The following CES3 variants were observed in gnomAD, a reference collection of about 807,000 sequenced individuals.
CES3 encodes the protein carboxylesterase 3.
CES3 carries 49 observed loss-of-function variants against 57.6 expected under a neutral mutation model. The observed-to-expected ratio is 0.85, with a 90% CI of 0.68 to 1.08. CES3 has a LOEUF of 1.08. Among genes scored for constraint, CES3 ranks in the 50% least tolerant of loss-of-function variants. The pLI is 0.00. For synonymous variants in CES3, 266 were observed against 281.6 expected, an observed-to-expected ratio of 0.94 and a Z score of 0.55; for missense variants, 645 against 742.0, an observed-to-expected ratio of 0.87 and a Z score of 1.52.
chr16:66,970,551 G>T (rs1963815595), intron 9 of CES3, among the ~76,000 whole-genome samples: 1 of 152,222 alleles, frequency 6.6e-6, no homozygotes, highest in African/African-American at 2.4e-5. Context: ...GTCAGATGTG[G>T]AGCTAGATAG....
chr16:66,963,522 A>G lies in CES3; in HGVS notation c.319A>G (p.Ser107Gly). Residue 107 changes from serine to glycine, a missense_variant, in exon 3 of 13, where the codon AGC becomes GGC. Coordinates refer to ENST00000303334, the MANE Select transcript of CES3 (RefSeq NM_024922.6). This position sits in a 1 kb window ranked among gnomAD's most constrained non-coding sequence, Gnocchi z 4.9. ...CLQDVESMNS[S>G]RFVLNGKQQI... The stretch of plus-strand genomic sequence containing the variant: ...ACAAGACGTGGAGAGCATGAACAGC[A>G]GCAGATTTGTCCTCAACGGAAAACA... 6.2e-7 allele frequency: 1 copy of G among 1,614,136 alleles called. No individual in the cohort carries two copies. The highest frequency in any genetic ancestry group is 8.5e-7 in the Non-Finnish European group (1 of 1,179,982).
intron 1 of CES3, 45 bp downstream of exon 1, chr16:66,961,434 AGTCAAGAGTGAGACAGG>A: frequency 6.6e-7 from 1 of 1,513,272 alleles, no homozygotes; most frequent in Non-Finnish European, 9.1e-7. Context: ...GGTGTGGAGG[AGTCAAGAGTGAGACAGG>A]GACAGGGAGC....
At chr16:66,967,345 C>A in intron 8 of CES3, 1 of 272,148 alleles carries the variant, frequency 3.7e-6, no homozygotes, top group East Asian at 1.6e-4. Flanking sequence ...TGGGCCACTT[C>A]AATAAAGCAA....
At chr16:66,964,791 T>G in intron 6 of CES3, 64 bp downstream of exon 6, 1 of 1,383,120 alleles carries the variant, frequency 7.2e-7, no homozygotes, top group South Asian at 1.4e-5. Context: ...GTGCTGGCCC[T>G]GGGGTCTCAG....
intron 9 of CES3, among the ~76,000 whole-genome samples, chr16:66,970,183 A>C (rs1963809023): frequency 7.0e-6 from 1 of 143,778 alleles, no homozygotes; most frequent in African/African-American, 2.6e-5. Flanking sequence ...ATCTCGGCTC[A>C]CCGCAACATC....
intron 9 of CES3, 138 bp downstream of exon 9, chr16:66,969,897 T>A (rs533057404): frequency 2.8e-6 from 2 of 709,340 alleles, no homozygotes; most frequent in Non-Finnish European, 4.9e-6. Context: ...TTTGTCTAAC[T>A]GATCAATTTT....
At chr16:66,969,599 G>A (rs1257436672) in intron 8 of CES3, 80 bp from the exon 9 acceptor site, 66 of 1,404,028 alleles carry the variant, frequency 4.7e-5, no homozygotes, top group Non-Finnish European at 5.9e-5. Context: ...TCAGGACCGT[G>A]AACACTCTCT....
intron 8 of CES3, among the ~76,000 whole-genome samples, chr16:66,968,240 C>T (rs999993480): frequency 6.6e-6 from 1 of 152,210 alleles, no homozygotes; most frequent in Non-Finnish European, 1.5e-5. Flanking sequence ...GCTCACCGCA[C>T]TGCAACCTCT....
intron 12 of CES3, 43 bp from the exon 13 acceptor site, chr16:66,972,811 A>C: frequency 6.2e-7 from 1 of 1,613,850 alleles, no homozygotes; most frequent in Non-Finnish European, 8.5e-7. Context: ...CCTCTGGGGG[A>C]CAGCACAGGA....
Position 66,973,122 on chromosome 16 carries a change from G to C in CES3, c.*73G>C. On this transcript the variant is annotated 3_prime_UTR_variant, in exon 13 of 13. Coordinates refer to ENST00000303334, the MANE Select transcript of CES3 (RefSeq NM_024922.6). ...TGGCAGAGTCCCAGCACGGCAGCCC[G>C]CCTCTCCCCCTGCTGAGACTTTAAT... is the stretch of plus-strand genomic sequence containing the variant. 4.4e-6 allele frequency: 6 copies of C among 1,367,398 alleles called. No individual in the cohort carries two copies. The highest frequency in any genetic ancestry group is 6.1e-6 in the Non-Finnish European group (6 of 985,906). The allele number at this position is 1,367,398 out of a possible 1,614,324, so 84.7% of individuals were successfully genotyped here. A position where few individuals can be genotyped will look rare whatever the true frequency, so the allele number is the denominator to read the frequency against.
intron 8 of CES3, among the ~76,000 whole-genome samples, chr16:66,969,347 G>A (rs995508241): frequency 2.0e-5 from 3 of 152,036 alleles, no homozygotes; most frequent in South Asian, 2.1e-4. Flanking sequence ...CGGAGGTTGC[G>A]GTGAGCCGAG....
intron 7 of CES3, 140 bp downstream of exon 7, chr16:66,966,485 G>A: frequency 3.3e-6 from 3 of 920,214 alleles, no homozygotes; most frequent in African/African-American, 1.7e-5. Context: ...TGAGGGCTTG[G>A]AGACAGAAAT....
Position 66,961,299 on chromosome 16 carries a change from G to A in CES3, c.-9G>A, listed in dbSNP as rs1302771816. ...TTCTGAAGCTTCTGTCGAACCAGTT[G>A]TAAGGAGAATGGAGAGAGCAGTGAG... On this transcript the variant is annotated 5_prime_UTR_variant, in exon 1 of 13. Coordinates refer to ENST00000303334, the MANE Select transcript of CES3 (RefSeq NM_024922.6). The A allele has an allele frequency of 4.3e-6, 7 of 1,612,824 alleles. No homozygotes were observed. Among genetic ancestry groups the A allele is most frequent in the Non-Finnish European group, 5.9e-6 (7 of 1,179,086 alleles).
Position 66,963,529 on chromosome 16 carries a change from T to C in CES3, c.326T>C (p.Phe109Ser). The C allele has an allele frequency of 6.2e-7, 1 of 1,614,178 alleles. No homozygotes were observed. The highest frequency in any genetic ancestry group is 8.5e-7 in the Non-Finnish European group (1 of 1,180,004). Residue 109 changes from phenylalanine to serine, a missense_variant, in exon 3 of 13, where the codon TTT becomes TCT. By Grantham distance (155) the Phe-to-Ser change is radical. Transcript: ENST00000303334. This position sits in a 1 kb window ranked among gnomAD's most constrained non-coding sequence, Gnocchi z 4.9. ...GTGGAGAGCATGAACAGCAGCAGAT[T>C]TGTCCTCAACGGAAAACAGCAGATC... ...QDVESMNSSRFVLNGKQQIFS... is the reference protein window; with the variant it reads ...QDVESMNSSRSVLNGKQQIFS...
In CES3 at chr16:66,966,794, G is replaced by A; in HGVS notation, c.991G>A (p.Glu331Lys). 1 of 1,614,152 alleles carries A rather than the reference G, an allele frequency of 6.2e-7. No individual in the cohort carries two copies. The highest frequency in any genetic ancestry group is 8.5e-7 in the Non-Finnish European group (1 of 1,180,036). ...CAAAAGCCCCAAGGAACTCCTGAAGGAGAAGCCCTTCCACTCTGTGCCCTT... is the reference window on the plus strand; with the variant it reads ...CAAAAGCCCCAAGGAACTCCTGAAGAAGAAGCCCTTCCACTCTGTGCCCTT... ...FPKSPKELLKEKPFHSVPFLM... is the reference protein window; with the variant it reads ...FPKSPKELLKKKPFHSVPFLM... The change falls in exon 8 of 13, where the codon GAG becomes AAG. Residue 331 changes from glutamate (E) to lysine (K), a missense_variant. Glu to Lys is a moderately conservative substitution (Grantham distance 56). Transcript: ENST00000303334.
chr16:66,966,450 A>G lies in CES3; in HGVS notation c.921+105A>G, dbSNP rs544861430. ...AGTCTACCCCCAGGTGGGGCTGGGG[A>G]CAGCAGCTCATGAGGGGAAGGGGCT... On this transcript the variant is annotated intron_variant, in intron 7 of 12. Coordinates refer to ENST00000303334, the MANE Select transcript of CES3 (RefSeq NM_024922.6). 1.4e-5 allele frequency: 16 copies of G among 1,154,082 alleles called. No individual in the cohort carries two copies. In the African/African-American group the frequency reaches 2.0e-4, roughly 14 times the overall value. 71.5% of individuals were successfully genotyped at this position (1,154,082 alleles called of 1,614,324 possible). A position where few individuals can be genotyped will look rare whatever the true frequency, so the allele number is the denominator to read the frequency against.
chr16:66,961,513 G>T, intron 1 of CES3, 124 bp downstream of exon 1: 1 of 723,766 alleles, frequency 1.4e-6, no homozygotes, highest in Admixed American at 2.2e-5. Context: ...ACCAGGGGTT[G>T]TGCATTCTCT....
In CES3 at chr16:66,964,529, C is replaced by T. The variant is rs905730904; in HGVS notation, c.714+19C>T. On this transcript the variant is annotated intron_variant, in intron 5 of 12. Transcript: ENST00000303334. The stretch of plus-strand genomic sequence containing the variant: ...TGGCCTGGTAAGTCACTATAGGGGG[C>T]TAGTGATGGTGGCCAGGAGGGCTCC... The T allele has an allele frequency of 6.2e-7, 1 of 1,613,200 alleles. No individual in the cohort carries two copies. The highest frequency in any genetic ancestry group is 8.5e-7 in the Non-Finnish European group (1 of 1,179,374).
rs1283162593 is a variant in CES3, at chr16:66,961,402, T to C, written c.82+13T>C. 6.2e-7 allele frequency: 1 copy of C among 1,605,880 alleles called. No individual in the cohort carries two copies. The highest frequency in any genetic ancestry group is 8.5e-7 in the Non-Finnish European group (1 of 1,175,024). ...GCCACAGCCACTGGTAAGACACACC[T>C]GCTGGGCCTGCAGAGGTACTTGGTG... On this transcript the variant is annotated intron_variant, in intron 1 of 12. Coordinates refer to ENST00000303334, the MANE Select transcript of CES3 (RefSeq NM_024922.6).
Sources: gnomAD v4.1 joint callset for allele counts (sites outside exome capture counted in the v4.1 genomes callset) on GRCh38, gnomAD v4.1.1 for gene constraint, Gnocchi (gnomAD v3.1) non-coding constraint, MANE v1.5 for transcripts, NCBI Gene and HGNC (gene_info 2026-07-23, HGNC 2026-07-21) for gene names.